ADGRB3: variants seen among roughly 807,000 people sequenced by gnomAD.
ADGRB3 encodes adhesion G protein-coupled receptor B3.
ADGRB3 carries 37 observed loss-of-function variants against 193.4 expected under a neutral mutation model. That is an observed-to-expected ratio of 0.19 (90% CI 0.15 to 0.25). The LOEUF is 0.25. Ranked by LOEUF, ADGRB3 falls within the 10% of genes least tolerant of loss-of-function variation. ADGRB3 has a pLI of 1.00. For missense variants in ADGRB3, 1,637 were observed against 1,852.9 expected (o/e 0.88, Z 2.14); for synonymous variants, 690 against 644.2 (o/e 1.07, Z -1.08).
At chr6:69,054,171 A>C (rs1255146841) in intron 15 of ADGRB3, among the ~76,000 whole-genome samples, 1 of 152,214 alleles carries the variant, frequency 6.6e-6, no homozygotes, top group African/African-American at 2.4e-5. Context: ...AAGTGTCTTC[A>C]TAAACCAAAA....
chr6:68,779,715 A>G (rs1000443467), intron 3 of ADGRB3, among the ~76,000 whole-genome samples: 1 of 152,096 alleles, frequency 6.6e-6, no homozygotes, highest in African/African-American at 2.4e-5. Context: ...AGGCTTAGAG[A>G]GAGGCTAAGA....
chr6:69,376,005 G>T (rs1449388837), intron 30 of ADGRB3, among the ~76,000 whole-genome samples: 1 of 149,826 alleles, frequency 6.7e-6, no homozygotes, highest in Non-Finnish European at 1.5e-5. Context: ...TTGTCATACG[G>T]ATATGTCTTT....
chr6:68,785,195 G>C (rs1306375169), intron 3 of ADGRB3, among the ~76,000 whole-genome samples: 2 of 151,924 alleles, frequency 1.3e-5, no homozygotes, highest in Non-Finnish European at 2.9e-5. Flanking sequence ...TAGGGTACAT[G>C]TGCACAACGT....
At chr6:69,014,326 A>T (rs1770027862) in intron 12 of ADGRB3, among the ~76,000 whole-genome samples, 1 of 152,060 alleles carries the variant, frequency 6.6e-6, no homozygotes, top group East Asian at 1.9e-4. Context: ...AGCAACTTAA[A>T]ACCTTAAGGA....
chr6:68,751,380 G>T (rs1216240977), intron 3 of ADGRB3, among the ~76,000 whole-genome samples: 10 of 152,070 alleles, frequency 6.6e-5, no homozygotes, highest in Admixed American at 2.6e-4. Context: ...TCCTTAATAT[G>T]CTGAGTCCAC....
intron 3 of ADGRB3, among the ~76,000 whole-genome samples, chr6:68,752,860 A>G (rs1766227336): frequency 6.6e-6 from 1 of 152,210 alleles, no homozygotes. Context: ...GTGATGGGAA[A>G]AATTGTAAGC....
chr6:69,100,948 AAGGAGGGAG>A (rs1562159637), intron 17 of ADGRB3, among the ~76,000 whole-genome samples: 15 of 242 alleles, frequency 0.062, no homozygotes, highest in East Asian at 0.083. Context: ...GAAGGAAGGA[AAGGAGGGAG>A]GGAGGGAGAA....
chr6:69,260,657 T>C (rs950430892), intron 20 of ADGRB3, among the ~76,000 whole-genome samples: 4 of 152,156 alleles, frequency 2.6e-5, no homozygotes, highest in African/African-American at 9.7e-5. Context: ...AGTTGGACTC[T>C]GCTAGTAAAG....
At chr6:69,329,907 C>T (rs560650921) in intron 22 of ADGRB3, among the ~76,000 whole-genome samples, 1 of 152,276 alleles carries the variant, frequency 6.6e-6, no homozygotes, top group South Asian at 2.1e-4. Context: ...GGCATTGAAA[C>T]AAACACAGCT....
At chr6:68,756,852 A>G (rs900985146) in intron 3 of ADGRB3, among the ~76,000 whole-genome samples, 5 of 152,158 alleles carry the variant, frequency 3.3e-5, no homozygotes, top group African/African-American at 9.7e-5. Context: ...CCAGTGTGAT[A>G]ATGGACATTT....
chr6:69,381,888 G>A (rs967236265), intron 30 of ADGRB3, among the ~76,000 whole-genome samples: 15 of 151,846 alleles, frequency 9.9e-5, no homozygotes, highest in African/African-American at 3.6e-4. Context: ...CATAGTCTTG[G>A]AGAATCACCA....
At chr6:69,138,612 G>A (rs1053189805) in intron 17 of ADGRB3, among the ~76,000 whole-genome samples, 1 of 152,154 alleles carries the variant, frequency 6.6e-6, no homozygotes, top group African/African-American at 2.4e-5. Context: ...TTCTTTGGTG[G>A]TTAAAATGAA....
chr6:69,121,451 A>G (rs980489883), intron 17 of ADGRB3, among the ~76,000 whole-genome samples: 4 of 150,786 alleles, frequency 2.7e-5, no homozygotes, highest in African/African-American at 7.3e-5. Flanking sequence ...TCTTTTCCCC[A>G]TATTTCCCCC....
At chr6:69,035,461 T>A (rs1016914292) in intron 13 of ADGRB3, among the ~76,000 whole-genome samples, 3 of 151,490 alleles carry the variant, frequency 2.0e-5, no homozygotes, top group Non-Finnish European at 4.4e-5. Context: ...AAGAGAGGAG[T>A]TGGTTGAAAT....
At chr6:69,349,626 A>G (rs1315604354) in intron 26 of ADGRB3, among the ~76,000 whole-genome samples, 1 of 152,202 alleles carries the variant, frequency 6.6e-6, no homozygotes, top group Non-Finnish European at 1.5e-5. Context: ...AATGATTATG[A>G]AAAGCTGAGC....
rs190748791 is a variant in ADGRB3, at chr6:69,376,179, C to A, written c.4275+3738C>A. Among the ~76,000 whole-genome samples the A allele has an allele frequency of 3.5e-3, 501 of 145,164 alleles. 2 individuals carry two copies. The highest frequency in any genetic ancestry group is 4.2e-3 in the Non-Finnish European group (279 of 66,836). On this transcript the variant is annotated intron_variant, in intron 30 of 31. Transcript: ENST00000370598. ...AATCTTGGCTCATTGCAACCTCTAC[C>A]TCCTGGGTTCAAGGAATCCTCTCAT...
chr6:69,102,610 T>C (rs1773096861), intron 17 of ADGRB3, among the ~76,000 whole-genome samples: 1 of 152,094 alleles, frequency 6.6e-6, no homozygotes, highest in Admixed American at 6.5e-5. Context: ...GAGTACAGGG[T>C]GATGTGAATG....
At chr6:69,297,410 C>CTATATA (rs753511956) in intron 20 of ADGRB3, among the ~76,000 whole-genome samples, 75 of 128,300 alleles carry the variant, frequency 5.8e-4, no homozygotes, top group Middle Eastern at 7.8e-3. Context: ...CTCTCTCTCT[C>CTATATA]TATATATATA....
chr6:68,661,339 ATATGTGTG>A lies in ADGRB3; in HGVS notation c.757+21909_757+21916del, dbSNP rs573136646. 4.3e-3 allele frequency among the ~76,000 whole-genome samples: 409 copies of A among 95,330 alleles called. 1 individual carries two copies. The highest frequency in any genetic ancestry group is 0.013 in the South Asian group (37 of 2,804). 62.5% of individuals were successfully genotyped at this position (95,330 alleles called of 152,430 possible). On this transcript the variant is annotated intron_variant, in intron 3 of 31. Coordinates refer to ENST00000370598, the MANE Select transcript of ADGRB3 (RefSeq NM_001704.3). The stretch of plus-strand genomic sequence containing the variant: ...TGTGTGTGTGTGTATATATATATAT[ATATGTGTG>A]TGTGTGTGTGTGTGTGTATATATAT...
Sources: gnomAD v4.1 joint callset for allele counts (sites outside exome capture counted in the v4.1 genomes callset) on GRCh38, gnomAD v4.1.1 for gene constraint, MANE v1.5 for transcripts, NCBI Gene and HGNC (gene_info 2026-07-23, HGNC 2026-07-21) for gene names.